Variants in SAMD3 observed in about 807,000 individuals in gnomAD.
SAMD3 encodes the protein sterile alpha motif domain containing 3.
Under a neutral mutation model 58.5 loss-of-function variants are expected in SAMD3, and 63 were observed. That is an observed-to-expected ratio of 1.08 (90% CI 0.88 to 1.33). The LOEUF (loss-of-function observed/expected upper bound fraction) is 1.33, where lower values mean the gene tolerates loss of function less well. Ranked by LOEUF, SAMD3 falls within the 40% of genes most tolerant of loss-of-function variation. SAMD3 has a pLI of 0.00. For synonymous variants in SAMD3, 220 were observed against 210.3 expected, an observed-to-expected ratio of 1.05 and a Z score of -0.40; for missense variants, 604 against 608.4, an observed-to-expected ratio of 0.99 and a Z score of 0.08.
At chr6:130,159,029 T>A (rs1582747796) in intron 8 of SAMD3, among the ~76,000 whole-genome samples, 1 of 152,210 alleles carries the variant, frequency 6.6e-6, no homozygotes, top group African/African-American at 2.4e-5. Flanking sequence ...GCTACCAGTC[T>A]GACTGGTTGC....
chr6:130,350,252 C>T (rs957065282), intron 1 of SAMD3, among the ~76,000 whole-genome samples: 4 of 152,132 alleles, frequency 2.6e-5, no homozygotes, highest in South Asian at 4.2e-4. Context: ...AAATAAAGGG[C>T]ATTCAATTAG....
At chr6:130,228,797 T>A (rs1360541897) in intron 2 of SAMD3, among the ~76,000 whole-genome samples, 2 of 152,220 alleles carry the variant, frequency 1.3e-5, no homozygotes, top group African/African-American at 4.8e-5. Flanking sequence ...GCAGAGGGAT[T>A]TCTACGTGTG....
chr6:130,194,933 C>T (rs1562428902), intron 5 of SAMD3, among the ~76,000 whole-genome samples: 3 of 152,254 alleles, frequency 2.0e-5, no homozygotes, highest in South Asian at 2.1e-4. Context: ...ACCCACTGCA[C>T]ATTACCTTCT....
At chr6:130,234,860 T>C (rs1217310772) in intron 2 of SAMD3, among the ~76,000 whole-genome samples, 1 of 152,242 alleles carries the variant, frequency 6.6e-6, no homozygotes, top group Non-Finnish European at 1.5e-5. Context: ...GCACCATGGC[T>C]CATGCCAGTA....
At chr6:130,280,545 T>C (rs1270943951) in intron 2 of SAMD3, among the ~76,000 whole-genome samples, 1 of 152,162 alleles carries the variant, frequency 6.6e-6, no homozygotes, top group East Asian at 1.9e-4. Flanking sequence ...CTCTGAACTC[T>C]CTTCTAGCTT....
chr6:130,365,427 C>G (rs540139125), upstream of SAMD3: 2 of 985,360 alleles, frequency 2.0e-6, no homozygotes, highest in East Asian at 1.1e-4. Context: ...GCGTCTTTTC[C>G]GGCCAGGTTT....
At chr6:130,149,548 C>CA (rs1387943421) in intron 9 of SAMD3, among the ~76,000 whole-genome samples, 4 of 152,172 alleles carry the variant, frequency 2.6e-5, no homozygotes, top group African/African-American at 9.7e-5. Flanking sequence ...AGAATGAAAT[C>CA]ATGTCCTTTG....
intron 2 of SAMD3, among the ~76,000 whole-genome samples, chr6:130,231,124 T>C (rs1451121925): frequency 2.6e-5 from 4 of 152,146 alleles, no homozygotes; most frequent in Non-Finnish European, 5.9e-5. Context: ...ATGTGGAGAA[T>C]ATACAAGGAA....
chr6:130,144,797 A>G lies in SAMD3; in HGVS notation c.1286T>C (p.Val429Ala), dbSNP rs928511938. ...TTTAACTTCCAACACAGGTGTGGAC[A>G]CTTGCACCTGAAAAAAAGAGTGGAG... ...LFVIMNEQVQVSTPVLEVKNP... is the reference protein window; with the variant it reads ...LFVIMNEQVQASTPVLEVKNP... Residue 429 changes from valine to alanine, a missense_variant, in exon 12 of 12, where the codon GTG (valine) becomes GCG (alanine). By Grantham distance (64) the Val-to-Ala change is moderately conservative. Transcript: ENST00000439090. 8.7e-6 allele frequency: 14 copies of G among 1,607,344 alleles called. No individual in the cohort carries two copies. In the Admixed American group the frequency reaches 2.2e-4, roughly 26 times the overall value.
intron 2 of SAMD3, among the ~76,000 whole-genome samples, chr6:130,246,758 G>A (rs1317576472): frequency 6.6e-6 from 1 of 152,050 alleles, no homozygotes; most frequent in Non-Finnish European, 1.5e-5. Flanking sequence ...GCATGATGGT[G>A]GGTGCCTGTA....
At chr6:130,173,842 G>A (rs1042688211) in intron 8 of SAMD3, among the ~76,000 whole-genome samples, 1 of 152,248 alleles carries the variant, frequency 6.6e-6, no homozygotes, top group Non-Finnish European at 1.5e-5. Flanking sequence ...TGGGGATTAT[G>A]TCTGTAAGCC....
intron 2 of SAMD3, among the ~76,000 whole-genome samples, chr6:130,259,183 A>G (rs968493376): frequency 1.6e-4 from 24 of 152,324 alleles, no homozygotes; most frequent in African/African-American, 4.8e-4. Flanking sequence ...AGTCTGTTTT[A>G]TGCTGCTATA....
At position 130,163,536 on chromosome 6, in the gene SAMD3, T is replaced by C. The variant is rs550353313; in HGVS notation, c.823-8511A>G. 1.0e-3 allele frequency among the ~76,000 whole-genome samples: 153 copies of C among 152,336 alleles called. 2 individuals are homozygous for C. The South Asian group carries it at 0.025, about 25-fold the overall frequency. ...TGCAACCTTGCCCCATGTTTCCAAG[T>C]GTGCAGCTTACTTGTAAAACTTCGC... is the stretch of plus-strand genomic sequence containing the variant. On this transcript the variant is annotated intron_variant, in intron 8 of 11. Coordinates refer to ENST00000439090, the MANE Select transcript of SAMD3 (RefSeq NM_001017373.4).
intron 2 of SAMD3, among the ~76,000 whole-genome samples, chr6:130,231,257 T>G (rs61743039): frequency 1.7e-3 from 260 of 152,292 alleles, no homozygotes; most frequent in Non-Finnish European, 3.1e-3. Context: ...CCCATGTTAT[T>G]CAACTTTCTA....
At chr6:130,174,609 C>T (rs372383730) in intron 8 of SAMD3, among the ~76,000 whole-genome samples, 10 of 152,304 alleles carry the variant, frequency 6.6e-5, no homozygotes, top group African/African-American at 1.2e-4. Flanking sequence ...TGTTCCTATT[C>T]GGCCATCTTG....
rs187346580 is a variant in SAMD3 at position 130,237,383 on chromosome 6, C to T, written c.-187-14570G>A. Among the ~76,000 whole-genome samples the T allele has an allele frequency of 1.7e-3, 252 of 152,262 alleles. 2 individuals are homozygous for T. The highest frequency in any genetic ancestry group is 5.9e-3 in the African/African-American group (246 of 41,566). On this transcript the variant is annotated intron_variant, in intron 2 of 13. Transcript: ENST00000368134. Reference sequence around the variant, plus strand: ...TCTTTCCTAGCTAGTTCTCATATCTCATCTTTTTGCAAAGAACTTGGCATT... The same window carrying T: ...TCTTTCCTAGCTAGTTCTCATATCTTATCTTTTTGCAAAGAACTTGGCATT...
In SAMD3 at chr6:130,144,519, A is replaced by G. The variant is rs145284069; in HGVS notation, c.*1T>C. On this transcript the variant is annotated 3_prime_UTR_variant, in exon 12 of 12. Coordinates refer to ENST00000439090, the MANE Select transcript of SAMD3 (RefSeq NM_001017373.4). ...ATTCCAGTACAATATTTGGCATGCT[A>G]TTAAGTGAGTGGGTGCTGAAATCCT... is the stretch of plus-strand genomic sequence containing the variant. 7 of 1,613,426 alleles carry G rather than the reference A, an allele frequency of 4.3e-6. No individual in the cohort carries two copies. The highest frequency in any genetic ancestry group is 1.7e-4 in the Middle Eastern group (1 of 6,056).
intron 9 of SAMD3, among the ~76,000 whole-genome samples, chr6:130,149,171 T>G (rs1788907662): frequency 6.6e-6 from 1 of 152,180 alleles, no homozygotes; most frequent in South Asian, 2.1e-4. Context: ...TGGCTCCCAT[T>G]ATATCTCAGT....
chr6:130,282,992 G>C (rs1775032738), intron 2 of SAMD3, among the ~76,000 whole-genome samples: 1 of 152,130 alleles, frequency 6.6e-6, no homozygotes, highest in South Asian at 2.1e-4. Context: ...CTAGGGCACT[G>C]GTCGAGATTA....
Sources: allele counts gnomAD v4.1 joint callset (sites outside exome capture counted in the v4.1 genomes callset), GRCh38; gene constraint gnomAD v4.1.1; transcripts MANE v1.5; gene names NCBI Gene and HGNC (gene_info 2026-07-23, HGNC 2026-07-21).